The following CTDSPL variants were observed in gnomAD, a reference collection of about 807,000 sequenced individuals.
The protein encoded by CTDSPL is CTD small phosphatase-like protein.
A neutral mutation model predicts 30.5 loss-of-function variants in CTDSPL; 8 were observed. The observed-to-expected ratio is 0.26, with a 90% CI of 0.15 to 0.47. The LOEUF is 0.47. CTDSPL is among the 20% of genes least tolerant of loss of function. CTDSPL has a pLI of 0.99. For missense variants in CTDSPL, 248 were observed against 366.1 expected, an observed-to-expected ratio of 0.68 and a Z score of 2.63; for synonymous variants, 110 against 137.9, an observed-to-expected ratio of 0.80 and a Z score of 1.42.
intron 3 of CTDSPL, among the ~76,000 whole-genome samples, chr3:37,960,502 AAAAATATAT>A (rs1559645115): frequency 1.1e-4 from 6 of 56,052 alleles, no homozygotes; most frequent in African/African-American, 4.1e-4. Flanking sequence ...AAAAAAAAAA[AAAAATATAT>A]ATATATATAT....
At chr3:37,960,064 G>C (rs2125628445) in intron 3 of CTDSPL, among the ~76,000 whole-genome samples, 1 of 152,048 alleles carries the variant, frequency 6.6e-6, no homozygotes, top group Middle Eastern at 3.4e-3. Context: ...AATTAACTGG[G>C]CATGGTGGCC....
chr3:37,958,430 T>C (rs917268353), intron 3 of CTDSPL, among the ~76,000 whole-genome samples: 8 of 152,178 alleles, frequency 5.3e-5, no homozygotes, highest in African/African-American at 1.7e-4. Flanking sequence ...TTATATAAAG[T>C]AGTTTTTGAC....
intron 1 of CTDSPL, among the ~76,000 whole-genome samples, chr3:37,939,937 C>T (rs1328388017): frequency 5.3e-5 from 8 of 149,842 alleles, no homozygotes. Context: ...ACTAAAAATA[C>T]AAAAATTAGC....
Position 37,982,335 on chromosome 3 carries a change from C to T in CTDSPL, c.*1468C>T, listed in dbSNP as rs989994997. 3.5e-5 allele frequency: 12 copies of T among 347,066 alleles called. No homozygotes were observed. Among genetic ancestry groups the T allele is most frequent in the African/African-American group, 2.6e-4 (12 of 46,596 alleles). The allele number at this position is 347,066 out of a possible 1,614,324, so 21.5% of individuals were successfully genotyped here. A position where few individuals can be genotyped will look rare whatever the true frequency, so the allele number is the denominator to read the frequency against. ...GGAGAGCCCAGGCTCTCTTTGCAGC[C>T]TTTCCCAGTTTGGTGTTTAAGCAGT... On this transcript the variant is annotated 3_prime_UTR_variant, in exon 8 of 8. Coordinates refer to ENST00000273179, the MANE Select transcript of CTDSPL (RefSeq NM_001008392.2).
At chr3:37,908,594 T>C (rs1190471808) in intron 1 of CTDSPL, among the ~76,000 whole-genome samples, 1 of 152,206 alleles carries the variant, frequency 6.6e-6, no homozygotes, top group Non-Finnish European at 1.5e-5. Flanking sequence ...GAGAGGAAGG[T>C]ATCTATGCTG....
chr3:37,911,826 A>G (rs1698586684), intron 1 of CTDSPL: 1 of 423,220 alleles, frequency 2.4e-6, no homozygotes, highest in Admixed American at 2.5e-5. Flanking sequence ...TGGGAGGCCA[A>G]GGTGGGTGGA....
intron 1 of CTDSPL, among the ~76,000 whole-genome samples, chr3:37,883,372 C>T (rs969859624): frequency 2.0e-5 from 3 of 152,202 alleles, no homozygotes; most frequent in Admixed American, 2.0e-4. Flanking sequence ...TCCACAGGTT[C>T]CCAAGTGGTC....
At chr3:37,916,736 C>G (rs1198304683) in intron 1 of CTDSPL, among the ~76,000 whole-genome samples, 1 of 152,172 alleles carries the variant, frequency 6.6e-6, no homozygotes, top group Non-Finnish European at 1.5e-5. Flanking sequence ...AGCTATCCTG[C>G]TTGTGGTACT....
chr3:37,865,912 T>G (rs753142645), intron 1 of CTDSPL, among the ~76,000 whole-genome samples: 1 of 152,168 alleles, frequency 6.6e-6, no homozygotes, highest in African/African-American at 2.4e-5. Flanking sequence ...AAAGTGAGTT[T>G]CCAGCTTTTA....
chr3:37,945,058 C>T (rs758409113), intron 1 of CTDSPL, among the ~76,000 whole-genome samples: 11 of 150,268 alleles, frequency 7.3e-5, no homozygotes, highest in Non-Finnish European at 1.3e-4. Flanking sequence ...GTGCTTTCTG[C>T]AGACTGCTCA....
chr3:37,884,069 T>A (rs1220193325), intron 1 of CTDSPL, among the ~76,000 whole-genome samples: 1 of 152,154 alleles, frequency 6.6e-6, no homozygotes. Flanking sequence ...ATATCAAACA[T>A]AAAATGTTAG....
At chr3:37,913,458 T>TA (rs1202953606) in intron 1 of CTDSPL, among the ~76,000 whole-genome samples, 2 of 152,324 alleles carry the variant, frequency 1.3e-5, no homozygotes, top group African/African-American at 4.8e-5. Context: ...TATTTTGGAC[T>TA]AAAATCAGTA....
chr3:37,906,750 G>A (rs563321041), intron 1 of CTDSPL, among the ~76,000 whole-genome samples: 69 of 152,290 alleles, frequency 4.5e-4, no homozygotes, highest in African/African-American at 1.5e-3. Context: ...CTAGTAGTGG[G>A]GAGAGGGTAA....
intron 1 of CTDSPL, among the ~76,000 whole-genome samples, chr3:37,869,965 T>C (rs889616771): frequency 6.6e-6 from 1 of 152,188 alleles, no homozygotes; most frequent in African/African-American, 2.4e-5. Flanking sequence ...CTTACTTGGT[T>C]GTGGTGTATA....
chr3:37,886,725 T>G (rs924231934), intron 1 of CTDSPL, among the ~76,000 whole-genome samples: 1 of 152,188 alleles, frequency 6.6e-6, no homozygotes, highest in Admixed American at 6.5e-5. Flanking sequence ...AATACATCTC[T>G]TCATAGATTC....
chr3:37,976,761 T>C (rs150746975), intron 7 of CTDSPL, among the ~76,000 whole-genome samples: 6 of 152,234 alleles, frequency 3.9e-5, no homozygotes, highest in African/African-American at 1.2e-4. Context: ...CCCTGGACCA[T>C]GGCAGCTCTC....
chr3:37,974,479 A>T (rs1699403154), intron 6 of CTDSPL, among the ~76,000 whole-genome samples: 1 of 151,814 alleles, frequency 6.6e-6, no homozygotes, highest in Non-Finnish European at 1.5e-5. Context: ...GCCTGGTTGT[A>T]CCCCTTACTT....
intron 1 of CTDSPL, chr3:37,911,632 A>G (rs1049477536): frequency 2.2e-6 from 1 of 454,312 alleles, no homozygotes; most frequent in African/African-American, 2.0e-5. Context: ...TTGGAGAAAA[A>G]TGTTTGTCTG....
At chr3:37,960,688 C>A (rs1001539655) in intron 3 of CTDSPL, among the ~76,000 whole-genome samples, 16 of 150,828 alleles carry the variant, frequency 1.1e-4, no homozygotes, top group Non-Finnish European at 1.9e-4. Flanking sequence ...CAGGATGGCA[C>A]CACTGCACTC....
Sources: allele counts gnomAD v4.1 joint callset (sites outside exome capture counted in the v4.1 genomes callset), GRCh38; gene constraint gnomAD v4.1.1; transcripts MANE v1.5; gene names NCBI Gene and HGNC (gene_info 2026-07-23, HGNC 2026-07-21).